The following SGCD variants were observed in gnomAD, a reference collection of about 807,000 sequenced individuals.
SGCD encodes the protein sarcoglycan delta.
In SGCD, 18 loss-of-function variants were observed where a neutral mutation model predicts 36.6. The observed-to-expected ratio is 0.49, with a 90% CI of 0.34 to 0.73. The LOEUF (loss-of-function observed/expected upper bound fraction) is 0.73, where lower values mean the gene tolerates loss of function less well. SGCD is among the 30% of genes least tolerant of loss of function. The pLI is 0.01. For synonymous variants in SGCD, 133 were observed against 130.6 expected, an observed-to-expected ratio of 1.02 and a Z score of -0.12; for missense variants, 387 against 346.7, an observed-to-expected ratio of 1.12 and a Z score of -0.92.
chr5:156,018,311 G>A (rs1013527946), intron 1 of SGCD, among the ~76,000 whole-genome samples: 6 of 151,970 alleles, frequency 3.9e-5, no homozygotes, highest in East Asian at 1.9e-4. Flanking sequence ...ACAAATATCC[G>A]CTAGTGTCTG....
intron 3 of SGCD, among the ~76,000 whole-genome samples, chr5:156,406,314 C>G (rs1036840071): frequency 6.6e-6 from 1 of 152,076 alleles, no homozygotes; most frequent in African/African-American, 2.4e-5. Flanking sequence ...GAAGCTCCAG[C>G]GTCTCTGTGT....
chr5:155,925,338 G>T (rs902062093), intron 1 of SGCD, among the ~76,000 whole-genome samples: 1 of 152,100 alleles, frequency 6.6e-6, no homozygotes, highest in African/African-American at 2.4e-5. Context: ...AAATCAGGTG[G>T]CTTAAAACAA....
At chr5:156,156,065 T>C (rs1762954680) in intron 3 of SGCD, among the ~76,000 whole-genome samples, 3 of 151,872 alleles carry the variant, frequency 2.0e-5, no homozygotes, top group Admixed American at 6.5e-5. Flanking sequence ...GTATTTCTTC[T>C]TCTTTCTAGC....
chr5:156,251,729 T>C (rs1333754472), intron 3 of SGCD, among the ~76,000 whole-genome samples: 6 of 152,098 alleles, frequency 3.9e-5, no homozygotes, highest in Admixed American at 6.5e-5. Flanking sequence ...TTGGCCAGGA[T>C]GGTCTCGATT....
intron 6 of SGCD, among the ~76,000 whole-genome samples, chr5:156,605,068 A>G (rs1006074001): frequency 6.6e-6 from 1 of 151,472 alleles, no homozygotes; most frequent in Non-Finnish European, 1.5e-5. Context: ...TTATTATTAT[A>G]CTTTAAGTTT....
chr5:156,229,297 T>TACACACACATATATATATATATAA (rs757678815), intron 3 of SGCD, among the ~76,000 whole-genome samples: 6 of 119,880 alleles, frequency 5.0e-5, no homozygotes, highest in African/African-American at 1.9e-4. Context: ...TATATATATA[T>TACACACACATATATATATATATAA]ATAAAATTAG....
chr5:156,194,297 T>C (rs1763968322), intron 3 of SGCD, among the ~76,000 whole-genome samples: 1 of 152,130 alleles, frequency 6.6e-6, no homozygotes, highest in Non-Finnish European at 1.5e-5. Context: ...GAGGATCTCT[T>C]GGGCCTGGGA....
chr5:155,989,476 T>G (rs1369968686), intron 1 of SGCD, among the ~76,000 whole-genome samples: 2 of 152,120 alleles, frequency 1.3e-5, no homozygotes, highest in African/African-American at 2.4e-5. Flanking sequence ...AGTTCTAAAT[T>G]AGATGTCATT....
At chr5:156,454,938 G>A (rs1426840105) in intron 3 of SGCD, among the ~76,000 whole-genome samples, 2 of 152,016 alleles carry the variant, frequency 1.3e-5, no homozygotes, top group African/African-American at 4.8e-5. Flanking sequence ...CTGATACACT[G>A]TGCATCAGGA....
At chr5:155,945,840 CTTG>C (rs899487086) in intron 1 of SGCD, among the ~76,000 whole-genome samples, 15 of 152,126 alleles carry the variant, frequency 9.9e-5, no homozygotes, top group African/African-American at 3.4e-4. Context: ...GCAGGAGCGA[CTTG>C]TTGTGATTTG....
At chr5:155,866,081 T>G (rs774659768), upstream of SGCD, among the ~76,000 whole-genome samples, 1 of 152,168 alleles carries the variant, frequency 6.6e-6, no homozygotes, top group Non-Finnish European at 1.5e-5. Context: ...TATACTTCAG[T>G]GAGCAGCAGA....
At chr5:156,000,782 AT>A (rs5872446) in intron 1 of SGCD, among the ~76,000 whole-genome samples, 62 of 148,338 alleles carry the variant, frequency 4.2e-4, no homozygotes, top group African/African-American at 1.1e-3. Flanking sequence ...TCAAACACAT[AT>A]TTTTTTTTCC....
intron 1 of SGCD, among the ~76,000 whole-genome samples, chr5:155,936,246 G>A (rs1757197183): frequency 6.6e-6 from 1 of 152,160 alleles, no homozygotes; most frequent in Admixed American, 6.5e-5. Flanking sequence ...GCCATTCGAC[G>A]GGTCCCGAGT....
intron 1 of SGCD, among the ~76,000 whole-genome samples, chr5:156,098,798 G>A (rs1761445025): frequency 6.6e-6 from 1 of 152,044 alleles, no homozygotes; most frequent in Admixed American, 6.6e-5. Context: ...TAATAATTTG[G>A]GGCAAATAGG....
intron 6 of SGCD, among the ~76,000 whole-genome samples, chr5:156,612,242 A>G (rs987393258): frequency 3.9e-5 from 6 of 152,222 alleles, no homozygotes; most frequent in Non-Finnish European, 8.8e-5. Flanking sequence ...ATTTTCCTGT[A>G]GATGAGTCCT....
At chr5:156,611,243 T>G (rs1218254255) in intron 6 of SGCD, among the ~76,000 whole-genome samples, 1 of 152,250 alleles carries the variant, frequency 6.6e-6, no homozygotes, top group Non-Finnish European at 1.5e-5. Context: ...TGTTTCATGA[T>G]AGTTGTTATT....
intron 3 of SGCD, among the ~76,000 whole-genome samples, chr5:156,170,443 G>A (rs948902390): frequency 6.6e-6 from 1 of 152,174 alleles, no homozygotes; most frequent in Non-Finnish European, 1.5e-5. Context: ...TCTAGGCATA[G>A]AAAGTTACCT....
the SGCD span, among the ~76,000 whole-genome samples, chr5:155,733,476 C>T: frequency 6.6e-6 from 1 of 152,122 alleles, no homozygotes; most frequent in Non-Finnish European, 1.5e-5. Context: ...TTGCTTTTAA[C>T]CCTGACCTCT....
intron 6 of SGCD, among the ~76,000 whole-genome samples, chr5:156,597,390 A>G (rs1482822335): frequency 6.6e-6 from 1 of 152,104 alleles, no homozygotes; most frequent in East Asian, 1.9e-4. Context: ...AGGCCTCACA[A>G]TCATGACAGA....
Sources: gnomAD v4.1 joint callset for allele counts (sites outside exome capture counted in the v4.1 genomes callset) on GRCh38, gnomAD v4.1.1 for gene constraint, MANE v1.5 for transcripts, NCBI Gene and HGNC (gene_info 2026-07-23, HGNC 2026-07-21) for gene names.